ZNF713: variants seen among roughly 807,000 people sequenced by gnomAD.
The protein encoded by ZNF713 is zinc finger protein 713.
In ZNF713, 21 loss-of-function variants were observed where a neutral mutation model predicts 28.7. That is an observed-to-expected ratio of 0.73 (90% CI 0.52 to 1.05). The LOEUF (loss-of-function observed/expected upper bound fraction) is 1.05. Among genes scored for constraint, ZNF713 ranks in the 50% least tolerant of loss-of-function variants. The pLI is 0.00. For missense variants in ZNF713, 458 were observed against 532.4 expected, an observed-to-expected ratio of 0.86 and a Z score of 1.37; for synonymous variants, 167 against 178.0, an observed-to-expected ratio of 0.94 and a Z score of 0.49.
chr7:55,917,963 C>T (rs1473052099), intron 4 of ZNF713: 1 of 445,446 alleles, frequency 2.2e-6, no homozygotes, highest in East Asian at 7.0e-5. Context: ...TGACAGATTG[C>T]ATTTTCAGAA....
rs140855864 is a variant in ZNF713 at position 55,907,682 on chromosome 7, C to T, written c.-456+1303C>T. 8.9e-3 allele frequency among the ~76,000 whole-genome samples: 1,361 copies of T among 152,222 alleles called. 10 individuals carry two copies. Among genetic ancestry groups the T allele is most frequent in the Non-Finnish European group, 0.014 (919 of 68,006 alleles). ...ATGTCTACATGCACCCATTGTTTAG[C>T]TCCCACTTACAAGTGGGAATGTGAA... On this transcript the variant is annotated intron_variant, in intron 2 of 6. Coordinates refer to ENST00000429591, the MANE Select transcript of ZNF713 (RefSeq NM_182633.3).
chr7:55,894,591 C>T (rs892402886), intron 1 of ZNF713, among the ~76,000 whole-genome samples: 5 of 152,158 alleles, frequency 3.3e-5, no homozygotes, highest in African/African-American at 1.2e-4. Context: ...TAAATTGATA[C>T]AACCTTCCTG....
chr7:55,906,101 C>CA (rs71015119), intron 1 of ZNF713, 152 bp from the exon 2 acceptor site: 5,451 of 114,962 alleles, frequency 0.047, 270 homozygotes, highest in African/African-American at 0.15. Context: ...GACTCTGACT[C>CA]AAAAAAAAAA....
At chr7:55,927,068 G>C (rs1281785370) in intron 6 of ZNF713, among the ~76,000 whole-genome samples, 1 of 152,162 alleles carries the variant, frequency 6.6e-6, no homozygotes, top group Non-Finnish European at 1.5e-5. Flanking sequence ...CTTGAACCTG[G>C]GAGGTAGAGG....
In ZNF713 at chr7:55,887,877, C is replaced by CA. The variant is rs1562731909; in HGVS notation, c.-583+197_-583+198insA. Among the ~76,000 whole-genome samples the CA allele has an allele frequency of 2.7e-3, 61 of 22,840 alleles. 15 individuals are homozygous for CA. The highest frequency in any genetic ancestry group is 1.0e-2 in the African/African-American group (36 of 3,610). 15.0% of individuals were successfully genotyped at this position (22,840 alleles called of 152,430 possible). ...GGCGGGCGGCGGGCGGCGGCGGCGG[C>CA]GGCGGCGGCGGGCGGCGGCGGCGGC... On this transcript the variant is annotated intron_variant, in intron 1 of 6. Transcript: ENST00000429591.
Position 55,898,325 on chromosome 7 carries a change from C to T in ZNF713, c.-582-7928C>T, listed in dbSNP as rs117321860. ...TGGGAGAAAATGTTTGCAAACGATACATCTGATATGGGACTGTATTAGTCT... is the reference window on the plus strand; with the variant it reads ...TGGGAGAAAATGTTTGCAAACGATATATCTGATATGGGACTGTATTAGTCT... On this transcript the variant is annotated intron_variant, in intron 1 of 6. Coordinates refer to ENST00000429591, the MANE Select transcript of ZNF713 (RefSeq NM_182633.3). Among the ~76,000 whole-genome samples, 1,057 of 152,292 alleles carry T rather than the reference C, an allele frequency of 6.9e-3. 6 individuals carry two copies. The highest frequency in any genetic ancestry group is 0.011 in the Non-Finnish European group (781 of 68,036).
rs144830259 is a variant in ZNF713, at chr7:55,920,341, T to C, written c.88-2821T>C. Among the ~76,000 whole-genome samples, 335 of 152,356 alleles carry C rather than the reference T, an allele frequency of 2.2e-3. 3 individuals carry two copies. In the Middle Eastern group the frequency reaches 0.027, roughly 12 times the overall value. On this transcript the variant is annotated intron_variant, in intron 4 of 6. Coordinates refer to ENST00000429591, the MANE Select transcript of ZNF713 (RefSeq NM_182633.3). ...AGTCATGTGTACAAAGGAAAAGCTA[T>C]TGAAGAAAATTAAAATTGCTACTCC... is the stretch of plus-strand genomic sequence containing the variant.
chr7:55,922,747 T>TAC, intron 4 of ZNF713, among the ~76,000 whole-genome samples: 1 of 152,296 alleles, frequency 6.6e-6, no homozygotes, highest in African/African-American at 2.4e-5. Context: ...GTAATGCCAT[T>TAC]ACACACTTAA....
intron 1 of ZNF713, among the ~76,000 whole-genome samples, chr7:55,897,248 CT>C (rs925691137): frequency 1.1e-3 from 152 of 144,216 alleles, no homozygotes; most frequent in East Asian, 1.0e-3. Context: ...TTTTTTCTTT[CT>C]TTTTTTTTTT....
At chr7:55,938,584 A>G (rs959620066) in intron 6 of ZNF713, among the ~76,000 whole-genome samples, 1 of 152,158 alleles carries the variant, frequency 6.6e-6, no homozygotes, top group Non-Finnish European at 1.5e-5. Flanking sequence ...TGGCATTACA[A>G]TCAAGTCATT....
intron 1 of ZNF713, among the ~76,000 whole-genome samples, chr7:55,894,798 G>T (rs1785444580): frequency 6.6e-6 from 1 of 152,128 alleles, no homozygotes; most frequent in Non-Finnish European, 1.5e-5. Context: ...AATATATTAT[G>T]AATCTATTAA....
chr7:55,892,802 G>A (rs924809482), intron 1 of ZNF713, among the ~76,000 whole-genome samples: 6 of 149,960 alleles, frequency 4.0e-5, no homozygotes, highest in African/African-American at 7.4e-5. Flanking sequence ...AACCTGGGAG[G>A]TGAGGTTGCA....
chr7:55,906,559 C>T (rs769780444), intron 2 of ZNF713, among the ~76,000 whole-genome samples, 180 bp downstream of exon 2: 3 of 152,046 alleles, frequency 2.0e-5, no homozygotes, highest in African/African-American at 4.8e-5. Flanking sequence ...TCTGTCACAG[C>T]GGAAAGTTCA....
intron 1 of ZNF713, among the ~76,000 whole-genome samples, chr7:55,892,534 G>A (rs1184468093): frequency 8.6e-6 from 1 of 116,624 alleles, no homozygotes; most frequent in Non-Finnish European, 1.7e-5. Context: ...GCCCTCTGAA[G>A]GTTTGCTGAA....
At chr7:55,887,924 G>A (rs1387410874) in intron 1 of ZNF713, among the ~76,000 whole-genome samples, 1 of 145,926 alleles carries the variant, frequency 6.9e-6, no homozygotes, top group African/African-American at 2.5e-5. Context: ...GGTGGCGGGA[G>A]GGGCGGCCGC....
intron 4 of ZNF713, chr7:55,918,230 G>A: frequency 2.7e-6 from 1 of 371,220 alleles, no homozygotes; most frequent in South Asian, 2.0e-5. Flanking sequence ...AGCCCATATG[G>A]AGAGGAGCCA....
intron 1 of ZNF713, among the ~76,000 whole-genome samples, chr7:55,905,651 C>T (rs532342118): frequency 6.6e-6 from 1 of 152,168 alleles, no homozygotes; most frequent in South Asian, 2.1e-4. Flanking sequence ...CATTGCAGGG[C>T]GCACATGTTT....
intron 1 of ZNF713, among the ~76,000 whole-genome samples, chr7:55,904,833 T>C (rs1347236442): frequency 2.0e-5 from 3 of 152,176 alleles, no homozygotes; most frequent in Non-Finnish European, 4.4e-5. Context: ...CTCAAGCATT[T>C]CTTGTGCCTC....
intron 6 of ZNF713, among the ~76,000 whole-genome samples, chr7:55,935,009 C>G (rs2116268016): frequency 6.6e-6 from 1 of 151,922 alleles, no homozygotes; most frequent in East Asian, 1.9e-4. Flanking sequence ...CTGCCTCAGC[C>G]TCCTGAGTAG....
Sources: gnomAD v4.1 joint callset for allele counts (sites outside exome capture counted in the v4.1 genomes callset) on GRCh38, gnomAD v4.1.1 for gene constraint, MANE v1.5 for transcripts, NCBI Gene and HGNC (gene_info 2026-07-23, HGNC 2026-07-21) for gene names.